GRID2: variants seen among roughly 807,000 people sequenced by gnomAD.
The protein encoded by GRID2 is glutamate ionotropic receptor delta type subunit 2, also known as glutamate receptor ionotropic, delta-2.
GRID2 carries 33 observed loss-of-function variants against 114.8 expected under a neutral mutation model. That is an observed-to-expected ratio of 0.29 (90% CI 0.22 to 0.38). The LOEUF is 0.38. Ranked by LOEUF, GRID2 falls within the 10% of genes least tolerant of loss-of-function variation. The pLI is 1.00. For missense variants in GRID2, 1,184 were observed against 1,257.7 expected, an observed-to-expected ratio of 0.94 and a Z score of 0.89; for synonymous variants, 505 against 449.9, an observed-to-expected ratio of 1.12 and a Z score of -1.55.
intron 3 of GRID2, among the ~76,000 whole-genome samples, chr4:93,087,827 A>G (rs538545929): frequency 6.6e-6 from 1 of 152,316 alleles, no homozygotes; most frequent in East Asian, 1.9e-4. Flanking sequence ...ATTGGACTAG[A>G]GTCCAAAATA....
At chr4:93,172,314 C>G (rs969273910) in intron 4 of GRID2, among the ~76,000 whole-genome samples, 3 of 151,986 alleles carry the variant, frequency 2.0e-5, no homozygotes, top group Admixed American at 1.3e-4. Context: ...GAGAATTGGC[C>G]AGGCGCGGTG....
chr4:93,414,706 T>TATTTATATAC, intron 9 of GRID2, among the ~76,000 whole-genome samples: 1 of 149,732 alleles, frequency 6.7e-6, no homozygotes, highest in South Asian at 2.1e-4. Context: ...TATATATATA[T>TATTTATATAC]TTCCTTTTTT....
At chr4:93,485,207 C>T (rs1166682796) in intron 11 of GRID2, among the ~76,000 whole-genome samples, 1 of 151,586 alleles carries the variant, frequency 6.6e-6, no homozygotes, top group Admixed American at 6.6e-5. Context: ...CATTGGTTAT[C>T]TTCTTTTATG....
intron 14 of GRID2, among the ~76,000 whole-genome samples, chr4:93,690,331 G>A (rs923053271): frequency 3.3e-5 from 5 of 151,978 alleles, no homozygotes; most frequent in Admixed American, 2.6e-4. Context: ...CTGAGAAGAA[G>A]TACTGTCACT....
intron 2 of GRID2, among the ~76,000 whole-genome samples, chr4:93,020,512 A>G (rs1723177665): frequency 1.3e-5 from 2 of 152,040 alleles, no homozygotes; most frequent in African/African-American, 4.8e-5. Flanking sequence ...AATAAATGGT[A>G]AAAAAACATA....
chr4:93,352,332 A>G (rs571887405), intron 8 of GRID2, among the ~76,000 whole-genome samples: 60 of 152,052 alleles, frequency 3.9e-4, no homozygotes, highest in Non-Finnish European at 1.3e-4. Context: ...AAAACCTATT[A>G]AAGAAGGAAA....
intron 8 of GRID2, among the ~76,000 whole-genome samples, chr4:93,257,738 T>A (rs78442062): frequency 0.062 from 9,398 of 151,356 alleles, 530 homozygotes; most frequent in African/African-American, 0.15. Flanking sequence ...TATAATATAA[T>A]GAAAATATAC....
At chr4:93,052,271 T>C (rs562890448) in intron 2 of GRID2, among the ~76,000 whole-genome samples, 91 of 152,102 alleles carry the variant, frequency 6.0e-4, no homozygotes, top group African/African-American at 2.1e-3. Context: ...TATTCATCAC[T>C]ATCTGCTTCA....
chr4:92,955,439 C>T (rs973084074), intron 2 of GRID2, among the ~76,000 whole-genome samples: 1 of 152,056 alleles, frequency 6.6e-6, no homozygotes, highest in Non-Finnish European at 1.5e-5. Context: ...TGTTCATGTC[C>T]TTTGCCCACT....
intron 7 of GRID2, among the ~76,000 whole-genome samples, chr4:93,235,907 T>C (rs557276206): frequency 2.3e-4 from 35 of 152,194 alleles, no homozygotes; most frequent in African/African-American, 8.2e-4. Flanking sequence ...AGTGCTCAAA[T>C]GTGTAAACAT....
chr4:92,499,197 A>T (rs2149121360), intron 1 of GRID2, among the ~76,000 whole-genome samples: 1 of 151,800 alleles, frequency 6.6e-6, no homozygotes, highest in South Asian at 2.1e-4. Flanking sequence ...AGAGCTTTAT[A>T]TTTATCATTT....
At chr4:92,957,043 G>A (rs1218903253) in intron 2 of GRID2, among the ~76,000 whole-genome samples, 1 of 151,960 alleles carries the variant, frequency 6.6e-6, no homozygotes, top group Non-Finnish European at 1.5e-5. Flanking sequence ...TGTAAATTTT[G>A]TATAATAGCC....
intron 2 of GRID2, among the ~76,000 whole-genome samples, chr4:93,034,451 C>A (rs1724727523): frequency 6.6e-6 from 1 of 152,136 alleles, no homozygotes; most frequent in Admixed American, 6.6e-5. Flanking sequence ...TAGTAAGAAT[C>A]CAATCACCTT....
intron 1 of GRID2, among the ~76,000 whole-genome samples, chr4:92,374,389 C>T (rs1729258658): frequency 6.6e-6 from 1 of 151,966 alleles, no homozygotes; most frequent in African/African-American, 2.4e-5. Flanking sequence ...AGCTGGAAGC[C>T]CCCACTTTGA....
At chr4:92,565,227 A>G (rs1727281201) in intron 1 of GRID2, among the ~76,000 whole-genome samples, 1 of 152,060 alleles carries the variant, frequency 6.6e-6, no homozygotes, top group African/African-American at 2.4e-5. Flanking sequence ...TTTTATAGTG[A>G]TCAATCAATG....
chr4:92,540,844 A>G (rs13124315), intron 1 of GRID2, among the ~76,000 whole-genome samples: 45 of 152,270 alleles, frequency 3.0e-4, no homozygotes, highest in African/African-American at 8.7e-4. Flanking sequence ...ACATGCACAC[A>G]TATGTTTATT....
intron 13 of GRID2, among the ~76,000 whole-genome samples, chr4:93,604,049 T>C (rs1739960130): frequency 6.6e-6 from 1 of 152,200 alleles, no homozygotes; most frequent in East Asian, 1.9e-4. Context: ...CTTTTAAATC[T>C]TATTATTTGA....
downstream of GRID2, among the ~76,000 whole-genome samples, chr4:93,778,939 T>C (rs552087012): frequency 1.4e-4 from 22 of 152,290 alleles, no homozygotes; most frequent in South Asian, 3.1e-3. Context: ...ATACACATAA[T>C]TGGGACTCTC....
chr4:92,462,715 A>T (rs1015990788), intron 1 of GRID2, among the ~76,000 whole-genome samples: 13 of 152,006 alleles, frequency 8.6e-5, no homozygotes, highest in Non-Finnish European at 1.8e-4. Context: ...GGTTTAAAAA[A>T]AAAGTAAATT....
Sources: allele counts gnomAD v4.1 joint callset (sites outside exome capture counted in the v4.1 genomes callset), GRCh38; gene constraint gnomAD v4.1.1; transcripts MANE v1.5; gene names NCBI Gene and HGNC (gene_info 2026-07-23, HGNC 2026-07-21).